The following TECPR2 variants were observed in gnomAD, a reference collection of about 807,000 sequenced individuals.
TECPR2 encodes the protein tectonin beta-propeller repeat-containing protein 2.
A neutral mutation model predicts 138.1 loss-of-function variants in TECPR2; 65 were observed. That is an observed-to-expected ratio of 0.47 (90% CI 0.39 to 0.58). The LOEUF (loss-of-function observed/expected upper bound fraction) is 0.58, where lower values mean the gene tolerates loss of function less well. Among genes scored for constraint, TECPR2 ranks in the 20% least tolerant of loss-of-function variants. The pLI is 0.00. For missense variants in TECPR2, 1,553 were observed against 1,824.5 expected, an observed-to-expected ratio of 0.85 and a Z score of 2.71; for synonymous variants, 746 against 749.8, an observed-to-expected ratio of 0.99 and a Z score of 0.08.
intron 16 of TECPR2, among the ~76,000 whole-genome samples, chr14:102,458,968 T>C (rs112566545): frequency 0.15 from 3,069 of 20,820 alleles, 55 homozygotes; most frequent in Middle Eastern, 0.33. Context: ...AATACACACA[T>C]ATATATATAT....
At position 102,407,466 on chromosome 14, in the gene TECPR2, G is replaced by T. The variant is rs1567327568; in HGVS notation, c.348G>T (p.Gln116His). 6.2e-7 allele frequency: 1 copy of T among 1,610,176 alleles called. No homozygotes were observed. The highest frequency in any genetic ancestry group is 2.2e-5 in the East Asian group (1 of 44,742). Residue 116 changes from glutamine (Q) to histidine (H), a missense_variant and splice_region_variant, in exon 3 of 20, where the codon CAG becomes CAT. Physicochemically the swap from Gln to His is conservative, Grantham distance 24 (BLOSUM62 0). Transcript: ENST00000359520. ...CTTCATTGCCAGGGAGAAATAAACA[G>T]GTGAGTACTCATGATCTTAACACGT... is the stretch of plus-strand genomic sequence containing the variant. Reference protein sequence around the residue: ...LVSSLPGRNKQLRRFDVTGIH... With the variant: ...LVSSLPGRNKHLRRFDVTGIH...
intron 10 of TECPR2, 110 bp from the exon 11 acceptor site, chr14:102,440,326 C>T (rs1279827648): frequency 7.0e-7 from 1 of 1,435,554 alleles, no homozygotes; most frequent in South Asian, 1.3e-5. Context: ...GGGGACAGAA[C>T]AGGATGTGTT....
intron 1 of TECPR2, 131 bp downstream of exon 1, chr14:102,363,247 G>T (rs1035118292): frequency 1.5e-5 from 3 of 199,646 alleles, no homozygotes; most frequent in Non-Finnish European, 3.0e-5. Flanking sequence ...ATGCCCGTCC[G>T]CCCCGTCTCC....
Position 102,432,153 on chromosome 14 carries a change from C to A in TECPR2, c.1417+25C>A, listed in dbSNP as rs149739591. ...GGTACCCTCTGTAGCTGGCACACAC[C>A]CATCTGGGGTTACAGTCTTTCCAGA... On this transcript the variant is annotated intron_variant, in intron 8 of 19. Transcript: ENST00000359520. 1.3e-5 allele frequency: 20 copies of A among 1,489,386 alleles called. No homozygotes were observed. The African/African-American group carries it at 2.8e-4, about 21-fold the overall frequency. 92.3% of individuals were successfully genotyped at this position (1,489,386 alleles called of 1,614,324 possible). A position where few individuals can be genotyped will look rare whatever the true frequency, so the allele number is the denominator to read the frequency against.
At chr14:102,385,209 A>G (rs987973635) in intron 2 of TECPR2, among the ~76,000 whole-genome samples, 12 of 152,044 alleles carry the variant, frequency 7.9e-5, no homozygotes, top group African/African-American at 2.9e-4. Context: ...TCCTCGTGCA[A>G]GGAAGCCAGA....
chr14:102,407,346 G>C lies in TECPR2; in HGVS notation c.228G>C (p.Thr76=). ...QMRKYNFEGK[T]ESITVVKLLS... is the part of the protein sequence containing the mutation. The stretch of plus-strand genomic sequence containing the variant: ...TTTCAACGTTTCCCCAGGGGAAGAC[G>C]GAATCTATCACTGTGGTGAAGCTGC... Residue 76 remains threonine, a synonymous_variant, in exon 3 of 20, where the codon ACG becomes ACC. Coordinates refer to ENST00000359520, the MANE Select transcript of TECPR2 (RefSeq NM_014844.5). 1 of 1,602,796 alleles carries C rather than the reference G, an allele frequency of 6.2e-7. No individual in the cohort carries two copies. The highest frequency in any genetic ancestry group is 2.2e-5 in the East Asian group (1 of 44,686).
chr14:102,434,586 G>A lies in TECPR2; in HGVS notation c.1769G>A (p.Gly590Glu). The A allele has an allele frequency of 1.3e-6, 2 of 1,562,562 alleles. No homozygotes were observed. The highest frequency in any genetic ancestry group is 1.7e-4 in the Middle Eastern group (1 of 5,800). Residue 590 changes from glycine to glutamate, a missense_variant, in exon 9 of 20, where the codon GGA becomes GAA. Transcript: ENST00000359520. ...CTCAATGGAGCGAGGGAAGATGTGG[G>A]AGGCAGTGATGTCACGGGACTCGGA... ...ELLNGAREDV[G>E]GSDVTGLGDE...
At chr14:102,408,465 A>T (rs774870393) in intron 3 of TECPR2, 23 bp from the exon 4 acceptor site, 11 of 1,582,406 alleles carry the variant, frequency 7.0e-6, no homozygotes, top group Admixed American at 5.9e-5. Flanking sequence ...TTTCTTGTGT[A>T]TATTTTTATC....
chr14:102,388,261 G>C (rs184158234), intron 2 of TECPR2, among the ~76,000 whole-genome samples: 2 of 152,198 alleles, frequency 1.3e-5, no homozygotes, highest in Admixed American at 6.5e-5. Flanking sequence ...TCCATTCATT[G>C]GTTGCTGGAA....
intron 6 of TECPR2, among the ~76,000 whole-genome samples, chr14:102,427,593 G>A (rs977798960): frequency 2.0e-5 from 3 of 152,224 alleles, no homozygotes; most frequent in African/African-American, 7.2e-5. Flanking sequence ...GGCTCAGGAT[G>A]TCCTGTGTTT....
chr14:102,414,025 G>A (rs1888955935), intron 4 of TECPR2, among the ~76,000 whole-genome samples: 1 of 152,234 alleles, frequency 6.6e-6, no homozygotes, highest in South Asian at 2.1e-4. Flanking sequence ...GTCTTGTAAA[G>A]TATCATTTTA....
At chr14:102,447,844 T>A (rs1441511370) in intron 13 of TECPR2, among the ~76,000 whole-genome samples, 2 of 151,644 alleles carry the variant, frequency 1.3e-5, no homozygotes, top group Non-Finnish European at 2.9e-5. Flanking sequence ...GTATTTGATG[T>A]TTCTGAAGTA....
intron 2 of TECPR2, among the ~76,000 whole-genome samples, chr14:102,400,507 T>C (rs535673364): frequency 6.6e-6 from 1 of 152,238 alleles, no homozygotes; most frequent in East Asian, 1.9e-4. Flanking sequence ...TGTAATGGAG[T>C]GGAGCTTTTC....
intron 15 of TECPR2, among the ~76,000 whole-genome samples, chr14:102,451,594 C>T (rs1184865999): frequency 1.3e-5 from 2 of 152,180 alleles, no homozygotes; most frequent in Non-Finnish European, 2.9e-5. Flanking sequence ...GGGATGTTAC[C>T]GCACTTCACC....
intron 2 of TECPR2, among the ~76,000 whole-genome samples, chr14:102,383,085 A>C (rs986541641): frequency 2.6e-5 from 4 of 152,100 alleles, no homozygotes; most frequent in South Asian, 2.1e-4. Context: ...CCATGTGATG[A>C]ATTTATATGT....
At chr14:102,445,665 C>G in intron 12 of TECPR2, 141 bp from the exon 13 acceptor site, 1 of 1,073,736 alleles carries the variant, frequency 9.3e-7, no homozygotes. Context: ...AACTTCCTTC[C>G]CTGGCACCTG....
intron 17 of TECPR2, among the ~76,000 whole-genome samples, chr14:102,481,375 C>T (rs1376400909): frequency 5.9e-5 from 9 of 152,182 alleles, no homozygotes; most frequent in South Asian, 2.1e-4. Flanking sequence ...TCTGGAACTC[C>T]TGACCTCAAG....
At chr14:102,382,399 C>T (rs1016848810) in intron 2 of TECPR2, among the ~76,000 whole-genome samples, 4 of 152,100 alleles carry the variant, frequency 2.6e-5, no homozygotes, top group African/African-American at 7.2e-5. Flanking sequence ...ATAACAGATT[C>T]GTATATGTCC....
Position 102,434,674 on chromosome 14 carries a change from C to T in TECPR2, c.1857C>T (p.Asp619=), listed in dbSNP as rs1342187319. The T allele has an allele frequency of 6.2e-7, 1 of 1,611,352 alleles. No homozygotes were observed. Among genetic ancestry groups the T allele is most frequent in the Non-Finnish European group, 8.5e-7 (1 of 1,178,382 alleles). ...NSTQLPFQEQ[D]SSPGAHDGED... Reference sequence around the variant, plus strand: ...CACAGTTACCCTTCCAAGAACAGGACAGCTCTCCTGGGGCGCATGATGGGG... The same window carrying T: ...CACAGTTACCCTTCCAAGAACAGGATAGCTCTCCTGGGGCGCATGATGGGG... Residue 619 remains aspartate (D), a synonymous_variant, in exon 9 of 20, where the codon GAC becomes GAT. Coordinates refer to ENST00000359520, the MANE Select transcript of TECPR2 (RefSeq NM_014844.5).
Sources: allele counts gnomAD v4.1 joint callset (sites outside exome capture counted in the v4.1 genomes callset), GRCh38; gene constraint gnomAD v4.1.1; transcripts MANE v1.5; gene names NCBI Gene and HGNC (gene_info 2026-07-23, HGNC 2026-07-21).